Variants in NRCAM observed in about 807,000 individuals in gnomAD.
NRCAM encodes neuronal cell adhesion molecule, also known as NgCAM-related cell adhesion molecule.
Under a neutral mutation model 156.5 loss-of-function variants are expected in NRCAM, and 83 were observed. The ratio of observed to expected loss-of-function variants is 0.53; its 90% confidence interval spans 0.44 to 0.64. The LOEUF is 0.64. NRCAM is among the 30% of genes least tolerant of loss of function. NRCAM has a pLI of 0.00. For synonymous variants in NRCAM, 538 were observed against 563.9 expected, an observed-to-expected ratio of 0.95 and a Z score of 0.65; for missense variants, 1,417 against 1,597.3, an observed-to-expected ratio of 0.89 and a Z score of 1.92.
intron 3 of NRCAM, among the ~76,000 whole-genome samples, chr7:108,290,362 C>T (rs574990048): frequency 6.6e-6 from 1 of 152,098 alleles, no homozygotes; most frequent in African/African-American, 2.4e-5. Flanking sequence ...TGCTGACCAC[C>T]AGACTTCCTT....
chr7:108,311,101 T>C (rs1287566550), intron 3 of NRCAM, among the ~76,000 whole-genome samples: 1 of 152,196 alleles, frequency 6.6e-6, no homozygotes, highest in Non-Finnish European at 1.5e-5. Flanking sequence ...TTCCTCACAG[T>C]GGCCGCTGTT....
chr7:108,326,617 A>G (rs2154230878), intron 2 of NRCAM, among the ~76,000 whole-genome samples: 1 of 152,348 alleles, frequency 6.6e-6, no homozygotes, highest in East Asian at 1.9e-4. Context: ...AAGAAAATTC[A>G]GAATGAAAAG....
chr7:108,176,301 A>G (rs2060469701), intron 27 of NRCAM, 129 bp downstream of exon 27: 15 of 770,176 alleles, frequency 1.9e-5, no homozygotes, highest in Non-Finnish European at 6.3e-6. Context: ...AGAATGAGAA[A>G]TTACAAATAA....
At chr7:108,164,169 T>G (rs1488442256) in intron 30 of NRCAM, among the ~76,000 whole-genome samples, 14 of 21,308 alleles carry the variant, frequency 6.6e-4, no homozygotes, top group South Asian at 2.9e-3. Context: ...TCATACCGGG[T>G]GGGGTGGGGT....
At chr7:108,151,290 T>C (rs2041441198) in intron 32 of NRCAM, among the ~76,000 whole-genome samples, 1 of 152,054 alleles carries the variant, frequency 6.6e-6, no homozygotes, top group African/African-American at 2.4e-5. Context: ...CAAGGCAAAA[T>C]AGGAAACATA....
intron 1 of NRCAM, among the ~76,000 whole-genome samples, chr7:108,425,441 G>A (rs1815956593): frequency 1.3e-5 from 2 of 152,148 alleles, no homozygotes; most frequent in Admixed American, 1.3e-4. Flanking sequence ...TGATACATGT[G>A]CAGTATTTTA....
chr7:108,338,737 A>T (rs982639836), intron 2 of NRCAM, among the ~76,000 whole-genome samples: 1 of 152,234 alleles, frequency 6.6e-6, no homozygotes, highest in African/African-American at 2.4e-5. Context: ...TTCCTTTAAA[A>T]GCCAGGGTAA....
At chr7:108,376,715 T>G (rs1444678250) in intron 2 of NRCAM, among the ~76,000 whole-genome samples, 1 of 152,168 alleles carries the variant, frequency 6.6e-6, no homozygotes, top group African/African-American at 2.4e-5. Flanking sequence ...ATGGGAAAAC[T>G]GGGGAAAAGA....
At chr7:108,264,259 AGCCTCTGCGCCTGGTCT>A (rs1352954920) in intron 3 of NRCAM, among the ~76,000 whole-genome samples, 3 of 152,262 alleles carry the variant, frequency 2.0e-5, no homozygotes, top group Non-Finnish European at 4.4e-5. Flanking sequence ...TATAGGCATT[AGCCTCTGCGCCTGGTCT>A]GCATCTTCTT....
intron 2 of NRCAM, among the ~76,000 whole-genome samples, chr7:108,336,247 C>T (rs537027298): frequency 2.6e-5 from 4 of 152,268 alleles, no homozygotes; most frequent in South Asian, 2.1e-4. Context: ...TGCCCCTTCC[C>T]GGCTGTCTAA....
intron 2 of NRCAM, among the ~76,000 whole-genome samples, chr7:108,395,616 A>G (rs2099774661): frequency 6.6e-6 from 1 of 152,224 alleles, no homozygotes; most frequent in South Asian, 2.1e-4. Flanking sequence ...TCCCAATAGG[A>G]GTTTTCCCAT....
chr7:108,213,949 A>G (rs11978605), intron 11 of NRCAM, among the ~76,000 whole-genome samples: 46,651 of 152,014 alleles, frequency 0.31, 7,472 homozygotes, highest in Non-Finnish European at 0.34. Flanking sequence ...ATGAAGCCGA[A>G]TTGATTGTGG....
At chr7:108,239,809 C>T (rs1027054023) in intron 4 of NRCAM, 150 bp downstream of exon 4, 6 of 523,850 alleles carry the variant, frequency 1.1e-5, no homozygotes, top group Non-Finnish European at 2.1e-5. Flanking sequence ...TCTTTATAAA[C>T]ACCAGGTGCT....
At chr7:108,385,874 C>G (rs1438763437) in intron 2 of NRCAM, among the ~76,000 whole-genome samples, 2 of 136,324 alleles carry the variant, frequency 1.5e-5, no homozygotes, top group African/African-American at 2.7e-5. Context: ...CAAGTGAGAT[C>G]TTAAAACACC....
chr7:108,452,202 TA>T (rs1851178079), intron 1 of NRCAM, among the ~76,000 whole-genome samples: 1 of 152,102 alleles, frequency 6.6e-6, no homozygotes. Flanking sequence ...AAGCAGAGAG[TA>T]GAATGGTGAT....
chr7:108,245,057 C>T (rs1166633718), intron 3 of NRCAM, among the ~76,000 whole-genome samples: 2 of 152,198 alleles, frequency 1.3e-5, no homozygotes, highest in South Asian at 2.1e-4. Flanking sequence ...CAGGCATTAA[C>T]TTATCTTCCC....
rs777394969 is a variant in NRCAM at position 108,194,182 on chromosome 7, G to C, written c.1631-11C>G. On this transcript the variant is annotated splice_polypyrimidine_tract_variant and intron_variant, in intron 16 of 32. Transcript: ENST00000379028. ...CGATCCATGTAGGATCTGAAATGTA[G>C]AGTCATCGTTATCCATTTGGCAAAG... The C allele has an allele frequency of 1.1e-5, 18 of 1,613,352 alleles. No homozygotes were observed. The highest frequency in any genetic ancestry group is 1.4e-5 in the Non-Finnish European group (17 of 1,179,488).
intron 3 of NRCAM, among the ~76,000 whole-genome samples, chr7:108,245,947 T>C (rs1015434372): frequency 1.5e-5 from 2 of 131,004 alleles, no homozygotes; most frequent in African/African-American, 6.5e-5. Context: ...TGATGAAGCA[T>C]AGTTAATGAA....
At chr7:108,267,468 GA>G (rs1388587153) in intron 3 of NRCAM, among the ~76,000 whole-genome samples, 5 of 152,200 alleles carry the variant, frequency 3.3e-5, no homozygotes, top group African/African-American at 1.2e-4. Flanking sequence ...GGTTTCCAAA[GA>G]GAATGTAAAT....
Sources: gnomAD v4.1 joint callset for allele counts (sites outside exome capture counted in the v4.1 genomes callset) on GRCh38, gnomAD v4.1.1 for gene constraint, MANE v1.5 for transcripts, NCBI Gene and HGNC (gene_info 2026-07-23, HGNC 2026-07-21) for gene names.